ABHD2: variants seen among roughly 807,000 people sequenced by gnomAD.
ABHD2 encodes abhydrolase domain containing 2, acylglycerol lipase, also known as monoacylglycerol lipase ABHD2.
Under a neutral mutation model 48.1 loss-of-function variants are expected in ABHD2, and 20 were observed. The observed-to-expected ratio is 0.42, with a 90% CI of 0.29 to 0.60. The LOEUF (loss-of-function observed/expected upper bound fraction) is 0.60, where lower values mean the gene tolerates loss of function less well. ABHD2 is among the 20% of genes least tolerant of loss of function. The pLI is 0.24. For synonymous variants in ABHD2, 209 were observed against 214.2 expected, an observed-to-expected ratio of 0.98 and a Z score of 0.21; for missense variants, 405 against 550.9, an observed-to-expected ratio of 0.74 and a Z score of 2.65.
Position 89,189,323 on chromosome 15 carries a change from A to G in ABHD2, c.926+1020A>G, listed in dbSNP as rs965697934. 2.0e-5 allele frequency among the ~76,000 whole-genome samples: 3 copies of G among 151,908 alleles called. No individual in the cohort carries two copies. The highest frequency in any genetic ancestry group is 7.3e-5 in the African/African-American group (3 of 41,366). ...AACATAGCAAGTCCCTGTCTCTACA[A>G]AAAAAAATTGAAAAATAAAAATAGC... On this transcript the variant is annotated intron_variant, in intron 8 of 10. Coordinates refer to ENST00000352732, the MANE Select transcript of ABHD2 (RefSeq NM_152924.5). This position sits in a 1 kb window ranked among gnomAD's most constrained non-coding sequence, Gnocchi z 4.9.
Position 89,095,710 on chromosome 15 carries a change from G to A in ABHD2, c.-107+7147G>A, listed in dbSNP as rs1006473599. ...CCCCACCACACTTTTTGCTTTCCTC[G>A]TGTAGCACCATCACATTCATTTTGT... On this transcript the variant is annotated intron_variant, in intron 1 of 10. Coordinates refer to ENST00000352732, the MANE Select transcript of ABHD2 (RefSeq NM_152924.5). Among the ~76,000 whole-genome samples the A allele has an allele frequency of 3.3e-5, 5 of 152,190 alleles. No individual in the cohort carries two copies. The South Asian group carries it at 6.2e-4, about 19-fold the overall frequency.
the ABHD2 span, among the ~76,000 whole-genome samples, chr15:89,067,323 G>A: frequency 0.18 from 27,087 of 152,204 alleles, 2,556 homozygotes; most frequent in Middle Eastern, 0.22. Context: ...CATTTTCTTT[G>A]AAGCATATGG....
intron 3 of ABHD2, among the ~76,000 whole-genome samples, chr15:89,127,971 G>A (rs1035505161): frequency 6.6e-6 from 1 of 151,912 alleles, no homozygotes; most frequent in African/African-American, 2.4e-5. Context: ...GGACAGGGAT[G>A]GAAACAATAA....
intron 9 of ABHD2, 27 bp downstream of exon 9, chr15:89,191,176 C>T (rs2150952479): frequency 6.2e-7 from 1 of 1,610,740 alleles, no homozygotes; most frequent in South Asian, 1.1e-5. Flanking sequence ...GGCTCAGAAT[C>T]AGCATCACTC....
At position 89,201,690 on chromosome 15, in the gene ABHD2, T is replaced by G; in HGVS notation, c.*6267T>G. On this transcript the variant is annotated 3_prime_UTR_variant, in exon 11 of 11. Transcript: ENST00000352732. ...TTTTCTATCCGATGGATTTCGCAAT[T>G]TAAGATTTGTAGTGACTACATCTGT... The G allele has an allele frequency of 6.2e-7, 1 of 1,608,830 alleles. No homozygotes were observed. The highest frequency in any genetic ancestry group is 1.3e-5 in the African/African-American group (1 of 74,950).
chr15:89,183,379 AAAAAAAT>A (rs2051147141), intron 6 of ABHD2: 2 of 72,256 alleles, frequency 2.8e-5, no homozygotes, highest in Non-Finnish European at 5.0e-5. Context: ...AAAAAAAAAA[AAAAAAAT>A]ATATATATAT....
chr15:89,052,907 G>C, the ABHD2 span, among the ~76,000 whole-genome samples: 3 of 151,916 alleles, frequency 2.0e-5, no homozygotes, highest in Non-Finnish European at 4.4e-5. Context: ...TCCACCTCAG[G>C]GTGTCTTAGA....
chr15:89,057,028 C>T, the ABHD2 span, among the ~76,000 whole-genome samples: 1 of 151,490 alleles, frequency 6.6e-6, no homozygotes, highest in Non-Finnish European at 1.5e-5. Flanking sequence ...ATTCTCCTGC[C>T]TCAGCCTCCT....
At position 89,102,220 on chromosome 15, in the gene ABHD2, A is replaced by G. The variant is rs887885112; in HGVS notation, c.-106-11505A>G. Among the ~76,000 whole-genome samples, 9 of 152,066 alleles carry G rather than the reference A, an allele frequency of 5.9e-5. No individual in the cohort carries two copies. Among genetic ancestry groups the G allele is most frequent in the African/African-American group, 1.9e-4 (8 of 41,418 alleles). ...CCTTCTCTTCTATTCCATCTCTTCC[A>G]GTGGTTCCCAGCTTTGAGTCCACCT... is the stretch of plus-strand genomic sequence containing the variant. On this transcript the variant is annotated intron_variant, in intron 1 of 10. Coordinates refer to ENST00000352732, the MANE Select transcript of ABHD2 (RefSeq NM_152924.5). The surrounding 1 kb of genome is among the most constrained non-coding windows in gnomAD (Gnocchi z 4.8).
chr15:89,078,994 A>C, the ABHD2 span, among the ~76,000 whole-genome samples: 9 of 152,102 alleles, frequency 5.9e-5, no homozygotes, highest in Non-Finnish European at 8.8e-5. Context: ...CAGCCTCCCA[A>C]AGTGCTGGGA....
intron 3 of ABHD2, among the ~76,000 whole-genome samples, chr15:89,121,596 C>A (rs1400626250): frequency 2.0e-5 from 3 of 151,998 alleles, no homozygotes; most frequent in Non-Finnish European, 4.4e-5. Context: ...CAAAAGTGTA[C>A]TATGACCTCC....
rs935681003 is a variant in ABHD2 at position 89,151,109 on chromosome 15, C to G, written c.195-568C>G. 2.6e-5 allele frequency among the ~76,000 whole-genome samples: 4 copies of G among 152,232 alleles called. No homozygotes were observed. Among genetic ancestry groups the G allele is most frequent in the Non-Finnish European group, 4.4e-5 (3 of 68,052 alleles). ...TATTTACACTGCACTGCCCTTACAG[C>G]ATATTCTCTGGAGCATAGAGTAGTG... On this transcript the variant is annotated intron_variant, in intron 3 of 10. Transcript: ENST00000352732. The surrounding 1 kb of genome is among the most constrained non-coding windows in gnomAD (Gnocchi z 4.7).
rs1453051534 is a variant in ABHD2 at position 89,088,806 on chromosome 15, G to T, written c.-107+243G>T. On this transcript the variant is annotated intron_variant, in intron 1 of 10. Coordinates refer to ENST00000352732, the MANE Select transcript of ABHD2 (RefSeq NM_152924.5). The surrounding 1 kb of genome is among the most constrained non-coding windows in gnomAD (Gnocchi z 6.8). ...TGAGGCCCTTTGTCCCCTTCTGCCC[G>T]AGGAACCGAGGTTGGGGACAACCCC... is the stretch of plus-strand genomic sequence containing the variant. Among the ~76,000 whole-genome samples, 1 of 152,224 alleles carries T rather than the reference G, an allele frequency of 6.6e-6. No individual in the cohort carries two copies. Among genetic ancestry groups the T allele is most frequent in the Non-Finnish European group, 1.5e-5 (1 of 68,030 alleles).
chr15:89,142,206 T>A (rs1026404088), intron 3 of ABHD2, among the ~76,000 whole-genome samples: 1 of 152,240 alleles, frequency 6.6e-6, no homozygotes, highest in African/African-American at 2.4e-5. Context: ...GTTAACAGTA[T>A]CTGCCCATTT....
chr15:89,126,459 C>T (rs796946757), intron 3 of ABHD2, among the ~76,000 whole-genome samples: 10 of 152,268 alleles, frequency 6.6e-5, no homozygotes, highest in African/African-American at 2.4e-4. Flanking sequence ...TAGAAAGTCT[C>T]GAATTTCTAA....
chr15:89,109,918 T>A (rs1204909860), intron 1 of ABHD2, among the ~76,000 whole-genome samples: 1 of 152,194 alleles, frequency 6.6e-6, no homozygotes, highest in Non-Finnish European at 1.5e-5. Flanking sequence ...AAGTCTGATA[T>A]AAAATGACAT....
At chr15:89,065,639 A>G in the ABHD2 span, among the ~76,000 whole-genome samples, 1 of 152,184 alleles carries the variant, frequency 6.6e-6, no homozygotes, top group African/African-American at 2.4e-5. Flanking sequence ...CTTGTATTTC[A>G]AATGAATATA....
At chr15:89,135,109 A>G (rs2050282085) in intron 3 of ABHD2, among the ~76,000 whole-genome samples, 1 of 148,704 alleles carries the variant, frequency 6.7e-6, no homozygotes, top group South Asian at 2.1e-4. Flanking sequence ...GCTTAGAAGC[A>G]TTCAGAATGT....
intron 4 of ABHD2, among the ~76,000 whole-genome samples, chr15:89,153,094 C>T (rs575009599): frequency 6.6e-6 from 1 of 152,334 alleles, no homozygotes; most frequent in African/African-American, 2.4e-5. Context: ...CAGACCTTCA[C>T]ATGGCTGCCT....
Sources: allele counts gnomAD v4.1 joint callset (sites outside exome capture counted in the v4.1 genomes callset), GRCh38; gene constraint gnomAD v4.1.1; non-coding constraint Gnocchi (gnomAD v3.1); transcripts MANE v1.5; gene names NCBI Gene and HGNC (gene_info 2026-07-23, HGNC 2026-07-21).